Variants in TSHZ2 observed in about 807,000 individuals in gnomAD.
The protein encoded by TSHZ2 is teashirt homolog 2.
TSHZ2 carries 21 observed loss-of-function variants against 74.4 expected under a neutral mutation model. The observed-to-expected ratio is 0.28, with a 90% CI of 0.20 to 0.41. TSHZ2 has a LOEUF of 0.41. TSHZ2 is among the 10% of genes least tolerant of loss of function. The pLI is 1.00. For synonymous variants in TSHZ2, 540 were observed against 515.3 expected (o/e 1.05, Z -0.65); for missense variants, 1,244 against 1,293.5 (o/e 0.96, Z 0.59).
chr20:53,350,928 G>C (rs566487589), intron 2 of TSHZ2, among the ~76,000 whole-genome samples: 23 of 152,292 alleles, frequency 1.5e-4, no homozygotes, highest in African/African-American at 5.5e-4. Flanking sequence ...TTTTTCATTA[G>C]AATAGTTCAC....
chr20:53,157,680 G>A (rs753318689), intron 1 of TSHZ2, among the ~76,000 whole-genome samples: 1 of 152,180 alleles, frequency 6.6e-6, no homozygotes, highest in Non-Finnish European at 1.5e-5. Context: ...CTAGTGTTAT[G>A]TATAGTAATG....
chr20:53,427,252 T>A (rs1289781667), intron 2 of TSHZ2, among the ~76,000 whole-genome samples: 1 of 152,140 alleles, frequency 6.6e-6, no homozygotes, highest in Non-Finnish European at 1.5e-5. Context: ...ATTAGACAGA[T>A]TTAATTAGTC....
intron 2 of TSHZ2, among the ~76,000 whole-genome samples, chr20:53,336,674 A>G (rs1979960261): frequency 6.6e-6 from 1 of 152,192 alleles, no homozygotes; most frequent in African/African-American, 2.4e-5. Context: ...GATGGTAGAT[A>G]CAACTTCATG....
chr20:53,332,831 G>T (rs908128539), intron 2 of TSHZ2, among the ~76,000 whole-genome samples: 2 of 152,166 alleles, frequency 1.3e-5, no homozygotes, highest in African/African-American at 4.8e-5. Flanking sequence ...AAGAAAGGGG[G>T]ACTCAATTTG....
At chr20:53,024,839 T>C (rs142161340) in intron 1 of TSHZ2, among the ~76,000 whole-genome samples, 32 of 152,308 alleles carry the variant, frequency 2.1e-4, no homozygotes, top group African/African-American at 6.5e-4. Context: ...TCCTTTTGTA[T>C]GGTTGCATAG....
chr20:53,135,187 T>G (rs1987214412), intron 1 of TSHZ2, among the ~76,000 whole-genome samples: 1 of 152,238 alleles, frequency 6.6e-6, no homozygotes, highest in South Asian at 2.1e-4. Context: ...TCCTGTGGTA[T>G]ACAGTTTTAT....
rs535871870 is a variant in TSHZ2 at position 53,000,543 on chromosome 20, GA to G, written c.40+27217del. 6.6e-3 allele frequency among the ~76,000 whole-genome samples: 1,001 copies of G among 152,072 alleles called. 16 individuals carry two copies. Among genetic ancestry groups the G allele is most frequent in the African/African-American group, 0.023 (950 of 41,504 alleles). Reference sequence around the variant, plus strand: ...ATGTTACTGCTCAATCCAATGTAAAGAAAAAAATGAATCTTTTTGAAATCAA... The same window carrying G: ...ATGTTACTGCTCAATCCAATGTAAAGAAAAAATGAATCTTTTTGAAATCAA... On this transcript the variant is annotated intron_variant, in intron 1 of 2. Transcript: ENST00000371497.
chr20:53,463,380 G>GAGGAAGGAAGGAAGGAAGGAAGGAAGGA (rs3042220), intron 2 of TSHZ2, among the ~76,000 whole-genome samples: 4 of 68,634 alleles, frequency 5.8e-5, no homozygotes, highest in East Asian at 5.3e-4. Context: ...CAGAGAGAGA[G>GAGGAAGGAAGGAAGGAAGGAAGGAAGGA]AGGAAGGAAG....
intron 1 of TSHZ2, among the ~76,000 whole-genome samples, chr20:53,025,312 ATTAC>A (rs1047567805): frequency 4.6e-5 from 7 of 152,162 alleles, no homozygotes; most frequent in Admixed American, 2.0e-4. Flanking sequence ...ATCTTGGTTT[ATTAC>A]TTCATCATAT....
intron 1 of TSHZ2, among the ~76,000 whole-genome samples, chr20:52,987,352 G>A (rs1360743942): frequency 6.6e-6 from 1 of 152,150 alleles, no homozygotes; most frequent in Non-Finnish European, 1.5e-5. Flanking sequence ...CCATGAATCT[G>A]GGAATCTGTA....
At chr20:53,029,170 C>T (rs1250331652) in intron 1 of TSHZ2, among the ~76,000 whole-genome samples, 1 of 152,144 alleles carries the variant, frequency 6.6e-6, no homozygotes, top group Non-Finnish European at 1.5e-5. Context: ...ACACACCTGC[C>T]ATCTGCAGTA....
chr20:53,420,361 A>C (rs937358112), intron 2 of TSHZ2, among the ~76,000 whole-genome samples: 6 of 152,224 alleles, frequency 3.9e-5, no homozygotes, highest in African/African-American at 1.2e-4. Flanking sequence ...TCAATGACCC[A>C]GAGGTGAATT....
At chr20:52,999,483 C>T (rs552716865) in intron 1 of TSHZ2, among the ~76,000 whole-genome samples, 22 of 152,300 alleles carry the variant, frequency 1.4e-4, no homozygotes, top group Non-Finnish European at 2.8e-4. Flanking sequence ...GGCCAGTGTG[C>T]GATAGGTCTC....
At chr20:53,415,822 G>A (rs59052832) in intron 2 of TSHZ2, among the ~76,000 whole-genome samples, 83,673 of 148,394 alleles carry the variant, frequency 0.56, 25,318 homozygotes, top group Non-Finnish European at 0.7. Context: ...ACACACACAC[G>A]CACACACAGG....
intron 2 of TSHZ2, among the ~76,000 whole-genome samples, chr20:53,346,584 G>T (rs6022410): frequency 2.6e-5 from 4 of 152,172 alleles, no homozygotes; most frequent in Admixed American, 2.6e-4. Flanking sequence ...AGGAAGCTTA[G>T]GCTCCTCCTG....
chr20:53,091,719 AC>A (rs2123262830), intron 1 of TSHZ2, among the ~76,000 whole-genome samples: 1 of 152,276 alleles, frequency 6.6e-6, no homozygotes, highest in African/African-American at 2.4e-5. Context: ...ATTATAGTGT[AC>A]TTCAGAAATT....
chr20:53,265,845 G>T (rs1990704789), intron 2 of TSHZ2, among the ~76,000 whole-genome samples: 1 of 152,214 alleles, frequency 6.6e-6, no homozygotes, highest in African/African-American at 2.4e-5. Flanking sequence ...GGACAGAGAG[G>T]CACAGGAGAG....
chr20:53,060,500 A>G (rs1239701626), intron 1 of TSHZ2, among the ~76,000 whole-genome samples: 2 of 152,228 alleles, frequency 1.3e-5, no homozygotes, highest in African/African-American at 2.4e-5. Context: ...CTGGTTTTCT[A>G]CACGGTGCTA....
intron 2 of TSHZ2, among the ~76,000 whole-genome samples, chr20:53,313,164 T>TTGGAATACA (rs1978861084): frequency 1.3e-5 from 2 of 152,232 alleles, no homozygotes; most frequent in South Asian, 4.1e-4. Flanking sequence ...TAGCCAAGAC[T>TTGGAATACA]TGGAATACAT....
Sources: gnomAD v4.1 joint callset for allele counts (sites outside exome capture counted in the v4.1 genomes callset) on GRCh38, gnomAD v4.1.1 for gene constraint, MANE v1.5 for transcripts, NCBI Gene and HGNC (gene_info 2026-07-23, HGNC 2026-07-21) for gene names.